The following AGBL4 variants were observed in gnomAD, a reference collection of about 807,000 sequenced individuals.
AGBL4 encodes the protein AGBL carboxypeptidase 4, also known as cytosolic carboxypeptidase 6.
A neutral mutation model predicts 66.4 loss-of-function variants in AGBL4; 58 were observed. That is an observed-to-expected ratio of 0.87 (90% CI 0.71 to 1.09). The LOEUF is 1.09. Among genes scored for constraint, AGBL4 ranks in the 50% least tolerant of loss-of-function variants. The pLI is 0.00. For missense variants in AGBL4, 579 were observed against 631.0 expected (o/e 0.92, Z 0.88); for synonymous variants, 234 against 222.9 (o/e 1.05, Z -0.44).
At chr1:49,690,563 A>G (rs766182661) in intron 3 of AGBL4, among the ~76,000 whole-genome samples, 22 of 152,276 alleles carry the variant, frequency 1.4e-4, no homozygotes, top group Non-Finnish European at 2.6e-4. Context: ...CAACTGCAAA[A>G]TGGGGGTTAG....
chr1:49,957,015 A>G (rs1323183752), intron 1 of AGBL4, among the ~76,000 whole-genome samples: 1 of 151,994 alleles, frequency 6.6e-6, no homozygotes, highest in Non-Finnish European at 1.5e-5. Flanking sequence ...ACTTTTAGAA[A>G]GATTAATTTG....
intron 3 of AGBL4, among the ~76,000 whole-genome samples, chr1:49,474,126 A>C (rs1646802630): frequency 6.6e-6 from 1 of 152,064 alleles, no homozygotes; most frequent in South Asian, 2.1e-4. Context: ...TTTTAGTTCC[A>C]TATGAACTTT....
chr1:49,768,120 C>T (rs1366158600), intron 2 of AGBL4, among the ~76,000 whole-genome samples: 2 of 152,096 alleles, frequency 1.3e-5, no homozygotes, highest in Non-Finnish European at 2.9e-5. Context: ...TACCAATCCT[C>T]CTGAAATTAT....
chr1:49,394,702 C>T (rs1383737889), intron 3 of AGBL4, among the ~76,000 whole-genome samples: 1 of 152,166 alleles, frequency 6.6e-6, no homozygotes, highest in East Asian at 1.9e-4. Context: ...ATATGTCAGC[C>T]TAACCTTCCC....
At chr1:49,934,298 A>G (rs1162085612) in intron 1 of AGBL4, among the ~76,000 whole-genome samples, 2 of 152,104 alleles carry the variant, frequency 1.3e-5, no homozygotes, top group Admixed American at 1.3e-4. Flanking sequence ...AAATGGACCT[A>G]AGAGACATAT....
intron 5 of AGBL4, among the ~76,000 whole-genome samples, chr1:48,891,184 A>G (rs961211825): frequency 3.9e-5 from 6 of 152,230 alleles, no homozygotes; most frequent in African/African-American, 1.4e-4. Flanking sequence ...TAACAGGCAG[A>G]TATCATTATT....
chr1:49,705,386 CCT>C (rs938822272), intron 2 of AGBL4, among the ~76,000 whole-genome samples: 72 of 151,988 alleles, frequency 4.7e-4, no homozygotes, highest in Admixed American at 9.2e-4. Flanking sequence ...AATTTGACTT[CCT>C]CTCTTCCTAT....
At chr1:49,639,698 G>A (rs1302844709) in intron 3 of AGBL4, among the ~76,000 whole-genome samples, 3 of 152,174 alleles carry the variant, frequency 2.0e-5, no homozygotes, top group Non-Finnish European at 4.4e-5. Flanking sequence ...CATTCACAGT[G>A]TAGTAGAATA....
intron 3 of AGBL4, among the ~76,000 whole-genome samples, chr1:49,661,180 T>G (rs1646262443): frequency 6.6e-6 from 1 of 151,956 alleles, no homozygotes; most frequent in Admixed American, 6.6e-5. Flanking sequence ...AATAACCACA[T>G]AAAAGAAAAT....
intron 6 of AGBL4, among the ~76,000 whole-genome samples, chr1:48,756,031 AG>A (rs2148647553): frequency 6.6e-6 from 1 of 152,322 alleles, no homozygotes; most frequent in African/African-American, 2.4e-5. Flanking sequence ...ACCCTGTCTT[AG>A]CTCCTCCATT....
intron 2 of AGBL4, among the ~76,000 whole-genome samples, chr1:49,808,614 C>T (rs1028334773): frequency 3.9e-5 from 6 of 152,000 alleles, no homozygotes; most frequent in Admixed American, 6.6e-5. Flanking sequence ...TATAATTTAA[C>T]GAATGAATTA....
At chr1:49,033,229 CCAAAACCACTA>C (rs1664369650) in intron 5 of AGBL4, among the ~76,000 whole-genome samples, 1 of 151,954 alleles carries the variant, frequency 6.6e-6, no homozygotes, top group African/African-American at 2.4e-5. Flanking sequence ...TGGAAGGGAG[CCAAAACCACTA>C]CACTTGTTTA....
chr1:49,564,666 G>C (rs1368408952), intron 3 of AGBL4, among the ~76,000 whole-genome samples: 2 of 152,224 alleles, frequency 1.3e-5, no homozygotes, highest in African/African-American at 2.4e-5. Flanking sequence ...ACTGTGGTCT[G>C]AGAGACAGTT....
chr1:49,642,065 G>A (rs1276875954), intron 3 of AGBL4, among the ~76,000 whole-genome samples: 1 of 134,820 alleles, frequency 7.4e-6, no homozygotes, highest in Non-Finnish European at 1.6e-5. Context: ...GAAAACTAGG[G>A]AGCAATTAGA....
intron 3 of AGBL4, among the ~76,000 whole-genome samples, chr1:49,427,438 C>T (rs1352104586): frequency 6.7e-6 from 1 of 149,574 alleles, no homozygotes; most frequent in Non-Finnish European, 1.5e-5. Flanking sequence ...AGAATGAAAA[C>T]AATTTCCTGG....
At chr1:49,481,803 A>G (rs1313208674) in intron 3 of AGBL4, among the ~76,000 whole-genome samples, 2 of 151,772 alleles carry the variant, frequency 1.3e-5, no homozygotes, top group East Asian at 3.9e-4. Context: ...TGTGATTTCA[A>G]TACCTAGTTT....
chr1:49,404,410 G>A (rs1354446059), intron 3 of AGBL4, among the ~76,000 whole-genome samples: 1 of 152,122 alleles, frequency 6.6e-6, no homozygotes, highest in African/African-American at 2.4e-5. Context: ...CCTAGCTTCT[G>A]GAACTGTGAG....
chr1:48,523,192 C>T, the AGBL4 span, among the ~76,000 whole-genome samples: 5 of 152,210 alleles, frequency 3.3e-5, no homozygotes, highest in African/African-American at 4.8e-5. Context: ...GAACATATTG[C>T]GATTAGATTC....
chr1:49,010,028 G>A (rs1229280851), intron 5 of AGBL4, among the ~76,000 whole-genome samples: 1 of 152,130 alleles, frequency 6.6e-6, no homozygotes, highest in Non-Finnish European at 1.5e-5. Flanking sequence ...GTTCTGGCCA[G>A]GGCAATTAGG....
Sources: allele counts gnomAD v4.1 joint callset (sites outside exome capture counted in the v4.1 genomes callset), GRCh38; gene constraint gnomAD v4.1.1; transcripts MANE v1.5; gene names NCBI Gene and HGNC (gene_info 2026-07-23, HGNC 2026-07-21).